The following LIMD1 variants were observed in gnomAD, a reference collection of about 807,000 sequenced individuals.
The protein encoded by LIMD1 is LIM domain-containing protein 1.
In LIMD1, 23 loss-of-function variants were observed where a neutral mutation model predicts 58.4. That is an observed-to-expected ratio of 0.39 (90% confidence interval 0.28 to 0.56). The LOEUF (loss-of-function observed/expected upper bound fraction) is 0.56, where lower values mean the gene tolerates loss of function less well. LIMD1 is among the 20% of genes least tolerant of loss of function. The pLI, the probability that LIMD1 is intolerant of heterozygous loss-of-function variation, is 0.57. For synonymous variants in LIMD1, 334 were observed against 345.5 expected (o/e 0.97, Z 0.37); for missense variants, 838 against 855.5 (o/e 0.98, Z 0.25).
At position 45,682,736 on chromosome 3, in the gene LIMD1, G is replaced by A. The variant is rs917979074; in HGVS notation, c.*5677G>A. 6.6e-6 allele frequency: 1 copy of A among 152,326 alleles called. No individual in the cohort carries two copies. Among genetic ancestry groups the A allele is most frequent in the African/African-American group, 2.4e-5 (1 of 41,574 alleles). The allele number at this position is 152,326 out of a possible 1,614,324, so 9.4% of individuals were successfully genotyped here. On this transcript the variant is annotated 3_prime_UTR_variant, in exon 8 of 8. Coordinates refer to ENST00000273317, the MANE Select transcript of LIMD1 (RefSeq NM_014240.3). Reference sequence around the variant, plus strand: ...ACCACTCTACTACTCTGGTTGATGGGAGGCAGTAAATTGTCCATCAGTATA... The same window carrying A: ...ACCACTCTACTACTCTGGTTGATGGAAGGCAGTAAATTGTCCATCAGTATA...
intron 1 of LIMD1, among the ~76,000 whole-genome samples, chr3:45,627,306 C>A (rs1446500196): frequency 6.6e-6 from 1 of 152,184 alleles, no homozygotes; most frequent in African/African-American, 2.4e-5. Context: ...ACTCCCTTAG[C>A]CCCTCTTATA....
At position 45,680,594 on chromosome 3, in the gene LIMD1, C is replaced by G. The variant is rs2125672806; in HGVS notation, c.*3535C>G. The G allele has an allele frequency of 6.6e-6, 1 of 152,220 alleles. No individual in the cohort carries two copies. Among genetic ancestry groups the G allele is most frequent in the East Asian group, 1.9e-4 (1 of 5,164 alleles). The allele number at this position is 152,220 out of a possible 1,614,324, so 9.4% of individuals were successfully genotyped here. On this transcript the variant is annotated 3_prime_UTR_variant, in exon 8 of 8. Transcript: ENST00000273317. ...GCCTCCCAAAGTGTTGGGATTATGG[C>G]CATTAGCCACTGTACCTGGCACAAT...
At chr3:45,597,711 G>T (rs959348948) in intron 1 of LIMD1, among the ~76,000 whole-genome samples, 2 of 152,186 alleles carry the variant, frequency 1.3e-5, no homozygotes, top group Non-Finnish European at 2.9e-5. Context: ...CTAGTGGAGG[G>T]CAGGGACAGG....
At chr3:45,638,378 T>C (rs1701810129) in intron 2 of LIMD1, among the ~76,000 whole-genome samples, 1 of 152,256 alleles carries the variant, frequency 6.6e-6, no homozygotes, top group Admixed American at 6.5e-5. Flanking sequence ...TTTGAGCTTC[T>C]ATTGGTCCTG....
rs1338051662 is a variant in LIMD1, at chr3:45,681,872, A to G, written c.*4813A>G. The G allele has an allele frequency of 6.6e-6, 1 of 152,186 alleles. No homozygotes were observed. Among genetic ancestry groups the G allele is most frequent in the Non-Finnish European group, 1.5e-5 (1 of 68,030 alleles). 9.4% of individuals were successfully genotyped at this position (152,186 alleles called of 1,614,324 possible). On this transcript the variant is annotated 3_prime_UTR_variant, in exon 8 of 8. Transcript: ENST00000273317. ...AGACTTGTAAGGTCCTGATGCAGTGACTTGTAAGGTCACTTTGTCTCTCTT... is the reference window on the plus strand; with the variant it reads ...AGACTTGTAAGGTCCTGATGCAGTGGCTTGTAAGGTCACTTTGTCTCTCTT...
chr3:45,678,013 A>G lies in LIMD1; in HGVS notation c.*954A>G, dbSNP rs981523204. ...CCCGCATACTGAGAGACAGCTTCTT[A>G]TAAACAAGGAGAGTTTTTGTGTGTG... On this transcript the variant is annotated 3_prime_UTR_variant, in exon 8 of 8. Transcript: ENST00000273317. 6.6e-6 allele frequency: 1 copy of G among 152,460 alleles called. No homozygotes were observed. Among genetic ancestry groups the G allele is most frequent in the Non-Finnish European group, 1.5e-5 (1 of 68,036 alleles). 9.4% of individuals were successfully genotyped at this position (152,460 alleles called of 1,614,324 possible). A position where few individuals can be genotyped will look rare whatever the true frequency, so the allele number is the denominator to read the frequency against.
chr3:45,666,057 A>G (rs369933885), intron 3 of LIMD1, among the ~76,000 whole-genome samples: 233 of 152,178 alleles, frequency 1.5e-3, no homozygotes, highest in African/African-American at 5.3e-3. Flanking sequence ...AGCTTCTCCC[A>G]TGGACTGGAA....
intron 1 of LIMD1, among the ~76,000 whole-genome samples, chr3:45,622,339 G>T (rs1230122584): frequency 2.6e-5 from 4 of 152,132 alleles, no homozygotes; most frequent in Non-Finnish European, 5.9e-5. Context: ...ATGCGTGAGG[G>T]ATATAGTCCA....
In LIMD1 at chr3:45,685,728, G is replaced by T. The variant is rs1697801522; in HGVS notation, c.*8669G>T. On this transcript the variant is annotated 3_prime_UTR_variant, in exon 8 of 8. Coordinates refer to ENST00000273317, the MANE Select transcript of LIMD1 (RefSeq NM_014240.3). ...AGCCCAGACTCACATTCTATCTCAG[G>T]CTTCATAACTCAATTGCTCCATGAC... is the stretch of plus-strand genomic sequence containing the variant. 1 of 152,162 alleles carries T rather than the reference G, an allele frequency of 6.6e-6. No individual in the cohort carries two copies. The highest frequency in any genetic ancestry group is 6.5e-5 in the Admixed American group (1 of 15,270). The allele number at this position is 152,162 out of a possible 1,614,324, so 9.4% of individuals were successfully genotyped here.
In LIMD1 at chr3:45,684,569, G is replaced by T. The variant is rs1194497613; in HGVS notation, c.*7510G>T. 1 of 152,240 alleles carries T rather than the reference G, an allele frequency of 6.6e-6. No homozygotes were observed. The highest frequency in any genetic ancestry group is 2.4e-5 in the African/African-American group (1 of 41,460). The allele number at this position is 152,240 out of a possible 1,614,324, so 9.4% of individuals were successfully genotyped here. On this transcript the variant is annotated 3_prime_UTR_variant, in exon 8 of 8. Transcript: ENST00000273317. Reference sequence around the variant, plus strand: ...TGCAGAGGGAGGAGGACTCCGAATGGATCTCCCCATTCCTGGCGGGAAGCA... The same window carrying T: ...TGCAGAGGGAGGAGGACTCCGAATGTATCTCCCCATTCCTGGCGGGAAGCA...
In LIMD1 at chr3:45,596,020, C is replaced by T. The variant is rs1183100801; in HGVS notation, c.1141C>T (p.Pro381Ser). The change falls in exon 1 of 8, where the codon CCC becomes TCC. Residue 381 changes from proline (P) to serine (S), a missense_variant. This residue lies in a region of LIMD1 where 659 missense variants were observed against 639.8 expected (regional missense o/e 1.03). Coordinates refer to ENST00000273317, the MANE Select transcript of LIMD1 (RefSeq NM_014240.3). ...TGGCTGCACAGACCTTGGCACTGGT[C>T]CCAAGCTCAGCCCCACCAGTCTTGT... is the stretch of plus-strand genomic sequence containing the variant. ...KPGCTDLGTG[P>S]KLSPTSLVHP... 2 of 1,614,106 alleles carry T rather than the reference C, an allele frequency of 1.2e-6. No homozygotes were observed. The highest frequency in any genetic ancestry group is 8.5e-7 in the Non-Finnish European group (1 of 1,180,048).
intron 1 of LIMD1, among the ~76,000 whole-genome samples, chr3:45,614,118 C>A (rs1701554508): frequency 6.6e-6 from 1 of 152,154 alleles, no homozygotes; most frequent in African/African-American, 2.4e-5. Context: ...TTATTCCTTT[C>A]TTGATAGTGA....
chr3:45,644,025 G>A (rs1701875728), intron 2 of LIMD1, among the ~76,000 whole-genome samples: 1 of 152,180 alleles, frequency 6.6e-6, no homozygotes, highest in Non-Finnish European at 1.5e-5. Flanking sequence ...GTTGAAGACT[G>A]CGAATGGGAT....
intron 2 of LIMD1, among the ~76,000 whole-genome samples, chr3:45,664,657 GTTC>G (rs922093257): frequency 1.3e-5 from 2 of 152,356 alleles, no homozygotes; most frequent in African/African-American, 2.4e-5. Flanking sequence ...TCTGAGGAAT[GTTC>G]TTTGACAGTC....
intron 1 of LIMD1, among the ~76,000 whole-genome samples, chr3:45,612,072 T>G (rs1808831): frequency 0.079 from 3,731 of 47,440 alleles, 82 homozygotes; most frequent in African/African-American, 0.11. Flanking sequence ...AGGTGCGCGC[T>G]CTCTCTCTCT....
At chr3:45,642,020 A>T (rs560837146) in intron 2 of LIMD1, among the ~76,000 whole-genome samples, 1 of 152,212 alleles carries the variant, frequency 6.6e-6, no homozygotes, top group Non-Finnish European at 1.5e-5. Flanking sequence ...CTGGAAGCCT[A>T]CAAGGTGTTC....
chr3:45,627,721 A>T (rs1701679828), intron 1 of LIMD1, among the ~76,000 whole-genome samples: 1 of 150,536 alleles, frequency 6.6e-6, no homozygotes, highest in Admixed American at 6.6e-5. Flanking sequence ...AAAAAAAAAA[A>T]AAAAGGCCAG....
chr3:45,629,775 C>G (rs893562), intron 1 of LIMD1, among the ~76,000 whole-genome samples: 1 of 152,040 alleles, frequency 6.6e-6, no homozygotes, highest in East Asian at 1.9e-4. Context: ...GCCGGCAGAA[C>G]GAGGCAGAGT....
At chr3:45,650,527 C>G (rs1318967592) in intron 2 of LIMD1, among the ~76,000 whole-genome samples, 1 of 135,860 alleles carries the variant, frequency 7.4e-6, no homozygotes, top group African/African-American at 2.8e-5. Flanking sequence ...TGTGATGTCC[C>G]CTCCCTGTGT....
Sources: gnomAD v4.1 joint callset for allele counts (sites outside exome capture counted in the v4.1 genomes callset) on GRCh38, gnomAD v4.1.1 for gene constraint, gnomAD v4.1.1 regional missense constraint, MANE v1.5 for transcripts, NCBI Gene and HGNC (gene_info 2026-07-23, HGNC 2026-07-21) for gene names.